Variants in SUCLG2 observed in about 807,000 individuals in gnomAD.
The protein encoded by SUCLG2 is succinate-CoA ligase GDP-forming subunit beta.
A neutral mutation model predicts 47.9 loss-of-function variants in SUCLG2; 42 were observed. The ratio of observed to expected loss-of-function variants is 0.88; its 90% confidence interval spans 0.69 to 1.14. The LOEUF (loss-of-function observed/expected upper bound fraction) is 1.14, where lower values mean the gene tolerates loss of function less well. Among genes scored for constraint, SUCLG2 ranks in the 50% most tolerant of loss-of-function variants. The probability of loss-of-function intolerance (pLI) is 0.00; values close to 1 mark genes in which losing one functional copy is unlikely to be tolerated. For missense variants in SUCLG2, 571 were observed against 525.9 expected (o/e 1.09, Z -0.84); for synonymous variants, 195 against 197.3 (o/e 0.99, Z 0.10).
chr3:67,496,365 G>C (rs916117034), intron 8 of SUCLG2, among the ~76,000 whole-genome samples: 1 of 152,162 alleles, frequency 6.6e-6, no homozygotes, highest in African/African-American at 2.4e-5. Context: ...TATACTTTAA[G>C]AGACAGGAGT....
At chr3:67,625,628 C>A (rs925881275) in intron 1 of SUCLG2, among the ~76,000 whole-genome samples, 1 of 152,194 alleles carries the variant, frequency 6.6e-6, no homozygotes, top group African/African-American at 2.4e-5. Flanking sequence ...CCTGCTGCCT[C>A]TGAAAACACT....
chr3:67,546,925 T>A (rs1489845047), intron 2 of SUCLG2, among the ~76,000 whole-genome samples: 3 of 152,084 alleles, frequency 2.0e-5, no homozygotes, highest in Admixed American at 2.0e-4. Context: ...CAAAAAAGAT[T>A]CATATTGCAT....
intron 1 of SUCLG2, among the ~76,000 whole-genome samples, chr3:67,638,831 C>T (rs947417357): frequency 2.0e-5 from 3 of 152,128 alleles, no homozygotes; most frequent in African/African-American, 4.8e-5. Context: ...AGCAGCTTAG[C>T]CAATAATGGA....
intron 9 of SUCLG2, among the ~76,000 whole-genome samples, chr3:67,421,238 C>G (rs1703150594): frequency 6.6e-6 from 1 of 152,248 alleles, no homozygotes; most frequent in African/African-American, 2.4e-5. Context: ...CATTAAAGAC[C>G]CATTTTAAAG....
intron 2 of SUCLG2, among the ~76,000 whole-genome samples, chr3:67,544,642 G>A (rs1202706123): frequency 1.3e-5 from 2 of 152,164 alleles, no homozygotes; most frequent in Non-Finnish European, 2.9e-5. Flanking sequence ...CTTGGCCAAC[G>A]TCATGAGGAA....
chr3:67,589,656 G>A (rs112164186), intron 2 of SUCLG2, among the ~76,000 whole-genome samples: 4 of 152,320 alleles, frequency 2.6e-5, no homozygotes, highest in African/African-American at 9.6e-5. Context: ...TTTCAAGATG[G>A]GGCCTTCCAA....
chr3:67,427,813 T>A (rs1346480475), intron 9 of SUCLG2, among the ~76,000 whole-genome samples: 4 of 152,194 alleles, frequency 2.6e-5, no homozygotes, highest in African/African-American at 4.8e-5. Flanking sequence ...ACCAGGAGAT[T>A]ATGTCCCATG....
At chr3:67,513,989 C>A in intron 6 of SUCLG2, 1 of 270,390 alleles carries the variant, frequency 3.7e-6, no homozygotes, top group South Asian at 4.1e-5. Context: ...CCACCCTCGA[C>A]CCTCTACCCA....
chr3:67,611,300 T>C (rs1335623846), intron 1 of SUCLG2, among the ~76,000 whole-genome samples: 6 of 152,318 alleles, frequency 3.9e-5, no homozygotes, highest in Admixed American at 2.0e-4. Flanking sequence ...TAAATAATAC[T>C]GGGATAAAAA....
intron 2 of SUCLG2, among the ~76,000 whole-genome samples, chr3:67,543,096 G>A (rs912771511): frequency 6.6e-6 from 1 of 152,148 alleles, no homozygotes; most frequent in Non-Finnish European, 1.5e-5. Context: ...AAATGCAAAA[G>A]AATGGAAATC....
At chr3:67,591,657 C>T (rs1359793341) in intron 2 of SUCLG2, among the ~76,000 whole-genome samples, 1 of 152,196 alleles carries the variant, frequency 6.6e-6, no homozygotes, top group Non-Finnish European at 1.5e-5. Context: ...GAGACCTCCC[C>T]AGCCATGTGG....
chr3:67,395,460 CAAG>C (rs1186937834), intron 10 of SUCLG2, among the ~76,000 whole-genome samples: 1 of 152,200 alleles, frequency 6.6e-6, no homozygotes, highest in African/African-American at 2.4e-5. Context: ...ATCAATTCAA[CAAG>C]AAGAACTAAC....
intron 1 of SUCLG2, among the ~76,000 whole-genome samples, chr3:67,649,618 T>C (rs1461200035): frequency 6.6e-6 from 1 of 152,234 alleles, no homozygotes; most frequent in Non-Finnish European, 1.5e-5. Context: ...CCTCTGCCTC[T>C]GCATGAATTC....
intron 2 of SUCLG2, among the ~76,000 whole-genome samples, chr3:67,581,032 T>G (rs1024041275): frequency 1.3e-5 from 2 of 152,232 alleles, no homozygotes; most frequent in Non-Finnish European, 2.9e-5. Flanking sequence ...CCCTCTCTGG[T>G]ACCTTGTAAG....
At chr3:67,611,329 A>T (rs1700523314) in intron 1 of SUCLG2, among the ~76,000 whole-genome samples, 1 of 152,232 alleles carries the variant, frequency 6.6e-6, no homozygotes. Flanking sequence ...CAGACAAGCA[A>T]TGCTCACATC....
At chr3:67,427,757 T>C (rs1240900443) in intron 9 of SUCLG2, among the ~76,000 whole-genome samples, 2 of 152,174 alleles carry the variant, frequency 1.3e-5, no homozygotes, top group Non-Finnish European at 2.9e-5. Context: ...ATCAGGACAC[T>C]TCCACCCAAA....
chr3:67,618,291 G>T (rs945469107), intron 1 of SUCLG2, among the ~76,000 whole-genome samples: 2 of 152,074 alleles, frequency 1.3e-5, no homozygotes, highest in African/African-American at 4.8e-5. Context: ...GTGGTGGTGC[G>T]TGCCTGTAGT....
intron 2 of SUCLG2, among the ~76,000 whole-genome samples, chr3:67,597,173 A>T (rs570798217): frequency 1.3e-5 from 2 of 152,320 alleles, no homozygotes; most frequent in South Asian, 4.1e-4. Flanking sequence ...CAGCCTGAAG[A>T]GAACCCTGGA....
At chr3:67,587,812 T>A (rs987330326) in intron 2 of SUCLG2, among the ~76,000 whole-genome samples, 5 of 152,190 alleles carry the variant, frequency 3.3e-5, no homozygotes, top group African/African-American at 9.7e-5. Context: ...TTTTATCCAT[T>A]TCAAAACACA....
Sources: allele counts gnomAD v4.1 joint callset (sites outside exome capture counted in the v4.1 genomes callset), GRCh38; gene constraint gnomAD v4.1.1; transcripts MANE v1.5; gene names NCBI Gene and HGNC (gene_info 2026-07-23, HGNC 2026-07-21).